TRIM44: variants seen among roughly 807,000 people sequenced by gnomAD.
TRIM44 encodes the protein tripartite motif-containing protein 44.
TRIM44 carries 13 observed loss-of-function variants against 37.4 expected under a neutral mutation model. That is an observed-to-expected ratio of 0.35 (90% CI 0.23 to 0.55). The LOEUF (loss-of-function observed/expected upper bound fraction) is 0.55, where lower values mean the gene tolerates loss of function less well. Among genes scored for constraint, TRIM44 ranks in the 20% least tolerant of loss-of-function variants. The pLI is 0.89. For synonymous variants in TRIM44, 175 were observed against 157.2 expected, an observed-to-expected ratio of 1.11 and a Z score of -0.85; for missense variants, 426 against 437.2, an observed-to-expected ratio of 0.97 and a Z score of 0.23.
chr11:35,737,038 T>A (rs1473902646), intron 4 of TRIM44, among the ~76,000 whole-genome samples: 1 of 152,144 alleles, frequency 6.6e-6, no homozygotes, highest in Non-Finnish European at 1.5e-5. Context: ...TGTGTTCTGA[T>A]AAGTTTAGGC....
At position 35,816,378 on chromosome 11, in the gene TRIM44, A is replaced by G. The variant is rs1268962390; in HGVS notation, c.*9993A>G. 1 of 152,234 alleles carries G rather than the reference A, an allele frequency of 6.6e-6. No individual in the cohort carries two copies. Among genetic ancestry groups the G allele is most frequent in the Non-Finnish European group, 1.5e-5 (1 of 68,056 alleles). The allele number at this position is 152,234 out of a possible 1,614,324, so 9.4% of individuals were successfully genotyped here. On this transcript the variant is annotated 3_prime_UTR_variant, in exon 5 of 5. Transcript: ENST00000299413. ...ATGTCTAACTTCAAAAAGAGTATTTAGATCCCCCCTGGGAAGGAACAGAAT... is the reference window on the plus strand; with the variant it reads ...ATGTCTAACTTCAAAAAGAGTATTTGGATCCCCCCTGGGAAGGAACAGAAT...
At chr11:35,700,555 A>G (rs538348968) in intron 2 of TRIM44, among the ~76,000 whole-genome samples, 1 of 152,124 alleles carries the variant, frequency 6.6e-6, no homozygotes, top group Non-Finnish European at 1.5e-5. Flanking sequence ...TGGTGCATAC[A>G]TTTCCTTTCA....
intron 2 of TRIM44, among the ~76,000 whole-genome samples, chr11:35,720,366 T>G (rs1852086099): frequency 6.6e-6 from 1 of 152,136 alleles, no homozygotes; most frequent in South Asian, 2.1e-4. Context: ...GACTTCTGTA[T>G]ATCAGTCTTC....
chr11:35,709,905 C>T (rs1241642239), intron 2 of TRIM44, among the ~76,000 whole-genome samples: 1 of 152,176 alleles, frequency 6.6e-6, no homozygotes, highest in Non-Finnish European at 1.5e-5. Context: ...CCCAGAATCA[C>T]AGCAGATTCA....
intron 3 of TRIM44, among the ~76,000 whole-genome samples, chr11:35,733,537 C>T (rs1233444430): frequency 1.3e-5 from 2 of 152,138 alleles, no homozygotes; most frequent in African/African-American, 2.4e-5. Flanking sequence ...TTTCCACCAT[C>T]CCTATACCCT....
chr11:35,751,209 A>G (rs1036996453), intron 4 of TRIM44, among the ~76,000 whole-genome samples: 4 of 152,194 alleles, frequency 2.6e-5, no homozygotes, highest in African/African-American at 7.2e-5. Flanking sequence ...GTTTTAAGTC[A>G]TTGCATAAAG....
At position 35,808,225 on chromosome 11, in the gene TRIM44, A is replaced by AAAAAG. The variant is rs56255775; in HGVS notation, c.*1840_*1841insAAAAG. On this transcript the variant is annotated 3_prime_UTR_variant, in exon 5 of 5. Coordinates refer to ENST00000299413, the MANE Select transcript of TRIM44 (RefSeq NM_017583.6). ...GAGGTGTTAAAAAAAAAAAAAAAAAAGCATTTTTCTCTCAAACTGATGGCC... is the reference window on the plus strand; with the variant it reads ...GAGGTGTTAAAAAAAAAAAAAAAAAAAAAAGGCATTTTTCTCTCAAACTGATGGCC... The AAAAAG allele has an allele frequency of 1.3e-5, 2 of 150,704 alleles. No individual in the cohort carries two copies. Among genetic ancestry groups the AAAAAG allele is most frequent in the African/African-American group, 4.9e-5 (2 of 40,978 alleles). The allele number at this position is 150,704 out of a possible 1,614,324, so 9.3% of individuals were successfully genotyped here. A position where few individuals can be genotyped will look rare whatever the true frequency, so the allele number is the denominator to read the frequency against.
At chr11:35,754,294 C>G (rs1565000164) in intron 4 of TRIM44, among the ~76,000 whole-genome samples, 2 of 152,190 alleles carry the variant, frequency 1.3e-5, no homozygotes, top group East Asian at 1.9e-4. Context: ...TCTCGGATTT[C>G]TTGCAGGATG....
rs1444700420 is a variant in TRIM44, at chr11:35,809,003, A to C, written c.*2618A>C. Reference sequence around the variant, plus strand: ...AGAGAAGTCACCAAGGGAGGCAGGTAATGAATGTTTCCAGAATCAGTCGGA... The same window carrying C: ...AGAGAAGTCACCAAGGGAGGCAGGTCATGAATGTTTCCAGAATCAGTCGGA... On this transcript the variant is annotated 3_prime_UTR_variant, in exon 5 of 5. Transcript: ENST00000299413. The C allele has an allele frequency of 6.6e-6, 1 of 152,230 alleles. No individual in the cohort carries two copies. The highest frequency in any genetic ancestry group is 2.4e-5 in the African/African-American group (1 of 41,460). 9.4% of individuals were successfully genotyped at this position (152,230 alleles called of 1,614,324 possible).
chr11:35,790,759 C>CATG (rs890437622), intron 4 of TRIM44, among the ~76,000 whole-genome samples: 7 of 152,184 alleles, frequency 4.6e-5, no homozygotes. Context: ...TTGACTGTAT[C>CATG]ATGAGCTTTT....
At chr11:35,787,406 C>T (rs1554938073) in intron 4 of TRIM44, among the ~76,000 whole-genome samples, 1 of 152,104 alleles carries the variant, frequency 6.6e-6, no homozygotes, top group African/African-American at 2.4e-5. Flanking sequence ...TACCACAAGG[C>T]GAATGGAATG....
chr11:35,669,093 G>A (rs985653788), intron 1 of TRIM44, among the ~76,000 whole-genome samples: 1 of 152,088 alleles, frequency 6.6e-6, no homozygotes, highest in South Asian at 2.1e-4. Context: ...GCTGGGTTCT[G>A]TGTAGCTGTG....
chr11:35,785,354 G>A (rs896539895), intron 4 of TRIM44, among the ~76,000 whole-genome samples: 2 of 152,158 alleles, frequency 1.3e-5, no homozygotes, highest in African/African-American at 2.4e-5. Context: ...TTTGCCCTGG[G>A]GCAAGAATAG....
At chr11:35,691,513 C>T (rs1851635731) in intron 2 of TRIM44, among the ~76,000 whole-genome samples, 1 of 152,208 alleles carries the variant, frequency 6.6e-6, no homozygotes, top group African/African-American at 2.4e-5. Flanking sequence ...ACCTACTGAA[C>T]ATCATAGCTT....
intron 4 of TRIM44, among the ~76,000 whole-genome samples, chr11:35,764,428 G>A (rs866493550): frequency 2.0e-5 from 3 of 152,046 alleles, no homozygotes; most frequent in African/African-American, 4.8e-5. Flanking sequence ...TCGGAGAGGC[G>A]GCAGAAAACA....
chr11:35,810,239 G>GAAGT lies in TRIM44; in HGVS notation c.*3855_*3858dup, dbSNP rs1201703190. The stretch of plus-strand genomic sequence containing the variant: ...ACCTTGTAGTTGTGGCAGGGTCTAG[G>GAAGT]AAGTCCTCTCTCCCCAAGTAGAAAA... On this transcript the variant is annotated 3_prime_UTR_variant, in exon 5 of 5. Coordinates refer to ENST00000299413, the MANE Select transcript of TRIM44 (RefSeq NM_017583.6). The GAAGT allele has an allele frequency of 2.6e-5, 4 of 152,094 alleles. No homozygotes were observed. Among genetic ancestry groups the GAAGT allele is most frequent in the Non-Finnish European group, 5.9e-5 (4 of 68,034 alleles). 9.4% of individuals were successfully genotyped at this position (152,094 alleles called of 1,614,324 possible). A position where few individuals can be genotyped will look rare whatever the true frequency, so the allele number is the denominator to read the frequency against.
chr11:35,773,846 C>T (rs1267376129), intron 4 of TRIM44, among the ~76,000 whole-genome samples: 3 of 152,170 alleles, frequency 2.0e-5, no homozygotes, highest in Non-Finnish European at 4.4e-5. Flanking sequence ...GTATATGTGC[C>T]ACATTTTCTT....
intron 4 of TRIM44, among the ~76,000 whole-genome samples, chr11:35,784,038 T>C (rs1445284172): frequency 6.6e-6 from 1 of 152,216 alleles, no homozygotes; most frequent in African/African-American, 2.4e-5. Flanking sequence ...GACAGAGGCC[T>C]ACTGGGGAGC....
chr11:35,739,433 G>A (rs139198828), intron 4 of TRIM44, among the ~76,000 whole-genome samples: 5 of 152,114 alleles, frequency 3.3e-5, no homozygotes, highest in African/African-American at 9.7e-5. Flanking sequence ...TTCTCTCTGT[G>A]ACCCTATACA....
Sources: gnomAD v4.1 joint callset for allele counts (sites outside exome capture counted in the v4.1 genomes callset) on GRCh38, gnomAD v4.1.1 for gene constraint, MANE v1.5 for transcripts, NCBI Gene and HGNC (gene_info 2026-07-23, HGNC 2026-07-21) for gene names.